The following FHOD3 variants were observed in gnomAD, a reference collection of about 807,000 sequenced individuals.
FHOD3 encodes formin homology 2 domain containing 3.
A neutral mutation model predicts 173.0 loss-of-function variants in FHOD3; 90 were observed. That is an observed-to-expected ratio of 0.52 (90% CI 0.44 to 0.62). The LOEUF is 0.62. Ranked by LOEUF, FHOD3 falls within the 20% of genes least tolerant of loss-of-function variation. The pLI, the probability that FHOD3 is intolerant of heterozygous loss-of-function variation, is 0.00. For missense variants in FHOD3, 1,945 were observed against 2,034.7 expected (o/e 0.96, Z 0.85); for synonymous variants, 828 against 823.0 (o/e 1.01, Z -0.10).
chr18:36,624,651 C>T (rs912809388), intron 9 of FHOD3, among the ~76,000 whole-genome samples: 5 of 151,080 alleles, frequency 3.3e-5, no homozygotes, highest in Admixed American at 6.6e-5. Context: ...CTGCAGAGGG[C>T]GCCACCTAGA....
intron 1 of FHOD3, among the ~76,000 whole-genome samples, chr18:36,343,146 T>C (rs896422503): frequency 1.3e-5 from 2 of 152,192 alleles, no homozygotes; most frequent in African/African-American, 4.8e-5. Context: ...GCAATTCTAC[T>C]CCTAGGTATA....
intron 24 of FHOD3, among the ~76,000 whole-genome samples, 157 bp from the exon 25 acceptor site, chr18:36,754,961 TG>T (rs1298673983): frequency 6.8e-6 from 1 of 146,376 alleles, no homozygotes; most frequent in African/African-American, 2.5e-5. Context: ...ACTGAGAGTG[TG>T]GCTTGTTGGT....
chr18:36,328,624 T>C (rs2044806207), intron 1 of FHOD3, among the ~76,000 whole-genome samples: 1 of 152,054 alleles, frequency 6.6e-6, no homozygotes, highest in African/African-American at 2.4e-5. Context: ...GGAGAGAGCC[T>C]GTAGGGTGAT....
At chr18:36,309,768 G>GT (rs144918253) in intron 1 of FHOD3, among the ~76,000 whole-genome samples, 2,049 of 152,318 alleles carry the variant, frequency 0.013, 18 homozygotes, top group Admixed American at 0.025. Context: ...GATACGAGTG[G>GT]TTTTTTGTTC....
chr18:36,409,258 A>T (rs2049226925), intron 3 of FHOD3, among the ~76,000 whole-genome samples: 1 of 152,180 alleles, frequency 6.6e-6, no homozygotes. Context: ...TGCTGGTCTG[A>T]AGCATGCAGG....
chr18:36,760,884 C>T, intron 27 of FHOD3, 102 bp downstream of exon 27: 7 of 1,295,766 alleles, frequency 5.4e-6, no homozygotes, highest in Non-Finnish European at 7.2e-6. Context: ...GTGACTGGCC[C>T]TCGGCTCCAG....
intron 11 of FHOD3, among the ~76,000 whole-genome samples, chr18:36,650,853 A>G (rs1452579797): frequency 1.3e-5 from 2 of 152,204 alleles, no homozygotes; most frequent in African/African-American, 4.8e-5. Flanking sequence ...TTTATTATAC[A>G]GGTAGATGAT....
intron 5 of FHOD3, among the ~76,000 whole-genome samples, chr18:36,556,591 G>A (rs138340561): frequency 1.9e-4 from 29 of 152,276 alleles, no homozygotes; most frequent in African/African-American, 6.5e-4. Context: ...CAATAACAGT[G>A]TCATGTATTC....
intron 9 of FHOD3, among the ~76,000 whole-genome samples, chr18:36,618,951 T>G (rs1035378576): frequency 6.6e-6 from 1 of 152,226 alleles, no homozygotes; most frequent in African/African-American, 2.4e-5. Flanking sequence ...AGTGGTGTCC[T>G]TATCAGACCT....
At chr18:36,372,642 C>T in intron 2 of FHOD3, 38 bp from the exon 3 acceptor site, 1 of 1,597,050 alleles carries the variant, frequency 6.3e-7, no homozygotes, top group Non-Finnish European at 8.6e-7. Context: ...TCTCTGCTGA[C>T]TCCTCTGATG....
intron 3 of FHOD3, among the ~76,000 whole-genome samples, chr18:36,483,237 G>A (rs2054022925): frequency 1.3e-5 from 2 of 152,178 alleles, no homozygotes; most frequent in African/African-American, 4.8e-5. Context: ...AGGTCTTATG[G>A]TATGTCCTGA....
At chr18:36,688,747 G>T (rs2038783166) in intron 16 of FHOD3, among the ~76,000 whole-genome samples, 1 of 152,230 alleles carries the variant, frequency 6.6e-6, no homozygotes, top group African/African-American at 2.4e-5. Flanking sequence ...AGGCTTGGCA[G>T]CTCCTGGGGA....
intron 24 of FHOD3, among the ~76,000 whole-genome samples, chr18:36,749,542 G>A (rs777166951): frequency 5.9e-5 from 9 of 152,208 alleles, no homozygotes; most frequent in Non-Finnish European, 1.0e-4. Context: ...GTGTTTCGTG[G>A]TGTATATGTA....
At chr18:36,541,846 AT>A (rs759270929) in intron 5 of FHOD3, among the ~76,000 whole-genome samples, 28 of 152,350 alleles carry the variant, frequency 1.8e-4, no homozygotes, top group Admixed American at 3.9e-4. Flanking sequence ...TCTCCAGCTT[AT>A]CCCCCTTGAG....
chr18:36,364,512 A>C (rs1278184662), intron 2 of FHOD3, among the ~76,000 whole-genome samples: 1 of 152,178 alleles, frequency 6.6e-6, no homozygotes, highest in African/African-American at 2.4e-5. Flanking sequence ...ATCACTATGA[A>C]TATTAGGTGA....
At chr18:36,592,671 G>C (rs1014372960) in intron 6 of FHOD3, among the ~76,000 whole-genome samples, 8 of 152,200 alleles carry the variant, frequency 5.3e-5, no homozygotes, top group Non-Finnish European at 1.0e-4. Context: ...TCCAGCACTG[G>C]TGGGTGGATT....
chr18:36,373,741 C>T (rs1419151290), intron 3 of FHOD3, among the ~76,000 whole-genome samples: 2 of 152,206 alleles, frequency 1.3e-5, no homozygotes, highest in Admixed American at 1.3e-4. Flanking sequence ...ATCTGTAGGA[C>T]CTCCAGCCAA....
intron 3 of FHOD3, among the ~76,000 whole-genome samples, chr18:36,482,334 G>A (rs1404602636): frequency 6.6e-6 from 1 of 152,122 alleles, no homozygotes; most frequent in Non-Finnish European, 1.5e-5. Context: ...TCTGAAAGAA[G>A]AGTATATTTG....
At chr18:36,598,369 C>A (rs1281993162) in intron 7 of FHOD3, among the ~76,000 whole-genome samples, 2 of 152,060 alleles carry the variant, frequency 1.3e-5, no homozygotes, top group Non-Finnish European at 2.9e-5. Context: ...GAACAAATTC[C>A]TTTGGTTGCA....
Sources: gnomAD v4.1 joint callset for allele counts (sites outside exome capture counted in the v4.1 genomes callset) on GRCh38, gnomAD v4.1.1 for gene constraint, MANE v1.5 for transcripts, NCBI Gene and HGNC (gene_info 2026-07-23, HGNC 2026-07-21) for gene names.